The following FGGY variants were observed in gnomAD, a reference collection of about 807,000 sequenced individuals.
FGGY encodes FGGY carbohydrate kinase domain-containing protein.
A neutral mutation model predicts 71.3 loss-of-function variants in FGGY; 72 were observed. The ratio of observed to expected loss-of-function variants is 1.01; its 90% CI spans 0.84 to 1.23. The LOEUF (loss-of-function observed/expected upper bound fraction) is 1.23. Ranked by LOEUF, FGGY falls within the 50% of genes most tolerant of loss-of-function variation. The probability of loss-of-function intolerance (pLI) is 0.00; values close to 1 mark genes in which losing one functional copy is unlikely to be tolerated. For missense variants in FGGY, 668 were observed against 682.3 expected, an observed-to-expected ratio of 0.98 and a Z score of 0.23; for synonymous variants, 251 against 250.3, an observed-to-expected ratio of 1.00 and a Z score of -0.02.
chr1:59,540,329 C>T (rs915466924), intron 7 of FGGY, among the ~76,000 whole-genome samples: 1 of 152,140 alleles, frequency 6.6e-6, no homozygotes, highest in South Asian at 2.1e-4. Context: ...AAACTGCAAA[C>T]CCCCAGTTCC....
chr1:59,600,029 T>C (rs1250430359), intron 8 of FGGY, among the ~76,000 whole-genome samples: 1 of 152,106 alleles, frequency 6.6e-6, no homozygotes, highest in African/African-American at 2.4e-5. Context: ...AAGATCATTG[T>C]GGTGGAGGTA....
At chr1:59,452,425 A>G (rs1203087419) in intron 5 of FGGY, among the ~76,000 whole-genome samples, 1 of 152,214 alleles carries the variant, frequency 6.6e-6, no homozygotes, top group African/African-American at 2.4e-5. Context: ...ACGTAAAATC[A>G]GTATTTATAC....
chr1:59,513,786 G>A (rs2094572425), intron 7 of FGGY, among the ~76,000 whole-genome samples: 1 of 152,118 alleles, frequency 6.6e-6, no homozygotes, highest in Non-Finnish European at 1.5e-5. Flanking sequence ...AAGGTGAAAT[G>A]GCTTTAAACA....
intron 8 of FGGY, among the ~76,000 whole-genome samples, chr1:59,562,863 A>G (rs993612686): frequency 2.6e-5 from 4 of 152,206 alleles, no homozygotes; most frequent in East Asian, 3.8e-4. Flanking sequence ...AAAACTTTCC[A>G]AATCAGACAT....
intron 8 of FGGY, among the ~76,000 whole-genome samples, chr1:59,597,168 T>C (rs2153803586): frequency 6.6e-6 from 1 of 152,308 alleles, no homozygotes; most frequent in South Asian, 2.1e-4. Context: ...TCTAGACTTG[T>C]AGGGATGTAT....
At chr1:59,602,671 G>A (rs976040851) in intron 8 of FGGY, among the ~76,000 whole-genome samples, 8 of 152,212 alleles carry the variant, frequency 5.3e-5, no homozygotes, top group East Asian at 1.9e-4. Flanking sequence ...GTTTCTGCCC[G>A]GGCTGCCCTT....
At chr1:59,338,272 A>G (rs1486926572) in intron 2 of FGGY, among the ~76,000 whole-genome samples, 1 of 152,144 alleles carries the variant, frequency 6.6e-6, no homozygotes, top group Admixed American at 6.6e-5. Flanking sequence ...TACTATGTTC[A>G]TGATAAATAT....
At chr1:59,576,567 T>C (rs1338643873) in intron 8 of FGGY, among the ~76,000 whole-genome samples, 1 of 151,808 alleles carries the variant, frequency 6.6e-6, no homozygotes, top group Non-Finnish European at 1.5e-5. Flanking sequence ...TAAAGTAAAA[T>C]AATAAATAAG....
rs767161965 is a variant in FGGY at position 59,583,754 on chromosome 1, C to T, written c.904-24049C>T. 5.6e-5 allele frequency among the ~76,000 whole-genome samples: 8 copies of T among 142,004 alleles called. 1 individual carries two copies. Among genetic ancestry groups the T allele is most frequent in the South Asian group, 2.7e-4 (1 of 3,754 alleles). 93.2% of individuals were successfully genotyped at this position (142,004 alleles called of 152,430 possible). ...AACAGTCACCCTCACCAAGATACCC[C>T]GAGCCAGGAGAGCCAGTGGAGCACA... On this transcript the variant is annotated intron_variant, in intron 8 of 15. Transcript: ENST00000303721.
At chr1:59,673,899 G>A (rs1185607841) in intron 13 of FGGY, 140 bp from the exon 14 acceptor site, 1 of 647,780 alleles carries the variant, frequency 1.5e-6, no homozygotes, top group Non-Finnish European at 2.8e-6. Context: ...AAGGAATAAA[G>A]AAGGGAGGAC....
intron 8 of FGGY, among the ~76,000 whole-genome samples, chr1:59,579,599 T>G (rs927756969): frequency 2.0e-5 from 3 of 152,144 alleles, no homozygotes; most frequent in African/African-American, 7.2e-5. Context: ...TCCCTCTCTT[T>G]TTCTCATATT....
At chr1:59,643,306 A>T (rs1170307903) in intron 11 of FGGY, among the ~76,000 whole-genome samples, 1 of 152,026 alleles carries the variant, frequency 6.6e-6, no homozygotes, top group African/African-American at 2.4e-5. Flanking sequence ...CTTCCATCTC[A>T]GCCTCCCAAG....
chr1:59,601,252 G>A (rs571890277), intron 8 of FGGY, among the ~76,000 whole-genome samples: 4 of 152,274 alleles, frequency 2.6e-5, no homozygotes, highest in South Asian at 2.1e-4. Flanking sequence ...GGCCAGCCTC[G>A]GAGTGATGGC....
chr1:59,594,752 T>C (rs555221646), intron 8 of FGGY, among the ~76,000 whole-genome samples: 1 of 152,276 alleles, frequency 6.6e-6, no homozygotes, highest in South Asian at 2.1e-4. Flanking sequence ...AAGCCCACAC[T>C]ATGCACAGAG....
chr1:59,625,909 C>A (rs942048010), intron 9 of FGGY, 79 bp from the exon 10 acceptor site: 1 of 1,079,662 alleles, frequency 9.3e-7, no homozygotes, highest in Non-Finnish European at 1.3e-6. Context: ...GAAACATATA[C>A]TCATTTTAAT....
chr1:59,515,202 C>A (rs1318235277), intron 7 of FGGY, among the ~76,000 whole-genome samples: 1 of 152,118 alleles, frequency 6.6e-6, no homozygotes, highest in East Asian at 1.9e-4. Flanking sequence ...CAAAGGAGGT[C>A]ATTTTGGAGC....
intron 14 of FGGY, among the ~76,000 whole-genome samples, chr1:59,694,837 C>T (rs765192877): frequency 6.6e-6 from 1 of 152,084 alleles, no homozygotes; most frequent in Non-Finnish European, 1.5e-5. Context: ...AACTAGGCGT[C>T]TTCATAGCAA....
At chr1:59,692,207 T>C (rs2154003402) in intron 14 of FGGY, among the ~76,000 whole-genome samples, 1 of 152,232 alleles carries the variant, frequency 6.6e-6, no homozygotes, top group East Asian at 1.9e-4. Context: ...TGACCCGGAC[T>C]TCCAACTCTA....
Position 59,473,713 on chromosome 1 carries a change from A to G in FGGY, c.670+16637A>G, listed in dbSNP as rs114991107. Among the ~76,000 whole-genome samples the G allele has an allele frequency of 4.8e-3, 726 of 152,236 alleles. 4 individuals are homozygous for G. Among genetic ancestry groups the G allele is most frequent in the African/African-American group, 0.016 (679 of 41,514 alleles). ...TCTAACTTTCCTCAAAGATGGGGCC[A>G]CCGATTAGAGACTCAACATGGCAGG... On this transcript the variant is annotated intron_variant, in intron 6 of 15. Coordinates refer to ENST00000303721, the MANE Select transcript of FGGY (RefSeq NM_018291.5).
Sources: gnomAD v4.1 joint callset for allele counts (sites outside exome capture counted in the v4.1 genomes callset) on GRCh38, gnomAD v4.1.1 for gene constraint, MANE v1.5 for transcripts, NCBI Gene and HGNC (gene_info 2026-07-23, HGNC 2026-07-21) for gene names.